The following TRMT2B variants were observed in gnomAD, a reference collection of about 807,000 sequenced individuals.
TRMT2B encodes the protein tRNA (uracil-5-)-methyltransferase homolog B.
Under a neutral mutation model 39.7 loss-of-function variants are expected in TRMT2B, and 34 were observed. That is an observed-to-expected ratio of 0.86 (90% CI 0.65 to 1.14). TRMT2B has a LOEUF of 1.14. TRMT2B is among the 50% of genes most tolerant of loss of function. TRMT2B has a pLI of 0.00. For missense variants in TRMT2B, 318 were observed against 377.2 expected (o/e 0.84, Z 1.30); for synonymous variants, 132 against 137.3 (o/e 0.96, Z 0.27).
intron 2 of TRMT2B, among the ~76,000 whole-genome samples, chrX:101,047,407 T>C (rs2088753628): frequency 9.0e-6 from 1 of 111,338 alleles, no homozygotes; most frequent in Admixed American, 9.7e-5. Flanking sequence ...GGAGTAACTA[T>C]GAGACAAAAG....
the TRMT2B span, among the ~76,000 whole-genome samples, chrX:100,986,284 C>T: frequency 1.8e-5 from 2 of 111,743 alleles, no homozygotes; most frequent in Non-Finnish European, 1.9e-5. Flanking sequence ...GCAGAGAACT[C>T]CTATCTTGTA....
At position 101,036,996 on chromosome X, in the gene TRMT2B, C is replaced by A. The variant is rs2087881589; in HGVS notation, c.516G>T (p.Gly172=). Residue 172 remains glycine (G), a synonymous_variant, in exon 6 of 14, where the codon GGG becomes GGT. Coordinates refer to ENST00000372936, the MANE Select transcript of TRMT2B (RefSeq NM_024917.6). ...GACCTCTCCAAGTTCCCAGGTAGAA[C>A]CCCACAGTCTTTGGATTGCCATCTG... The part of the protein sequence containing the change: ...RGPDGNPKTV[G]FYLGTWRDGN... The A allele has an allele frequency of 8.3e-7, 1 of 1,208,662 alleles. No homozygotes were observed. The highest frequency in any genetic ancestry group is 2.2e-5 in the Admixed American group (1 of 45,537).
chrX:101,017,811 C>T (rs2086595606), intron 13 of TRMT2B, among the ~76,000 whole-genome samples: 1 of 112,236 alleles, frequency 8.9e-6, no homozygotes, highest in African/African-American at 3.2e-5. Context: ...GAACCAAAGC[C>T]AGAATTCAGG....
chrX:100,985,967 A>G, the TRMT2B span: 2 of 1,153,407 alleles, frequency 1.7e-6, no homozygotes, highest in South Asian at 2.1e-5. Flanking sequence ...TGTACCCTTA[A>G]AAGTATAGAA....
chrX:101,044,494 G>A (rs1001429796), intron 2 of TRMT2B, among the ~76,000 whole-genome samples: 3 of 110,549 alleles, frequency 2.7e-5, no homozygotes, highest in East Asian at 2.9e-4. Context: ...AGGCCAGGGC[G>A]GGCAGATCAC....
intron 11 of TRMT2B, 127 bp downstream of exon 11, chrX:101,020,360 C>T (rs779201501): frequency 2.2e-3 from 1,197 of 534,035 alleles, no homozygotes; most frequent in Non-Finnish European, 2.9e-3. Context: ...ATTCTGACCC[C>T]TCCAGAATTC....
At chrX:100,986,944 C>A in the TRMT2B span, 1 of 950,443 alleles carries the variant, frequency 1.1e-6, no homozygotes, top group South Asian at 2.4e-5. Flanking sequence ...TGGAGCCCAG[C>A]TGATGCAGCC....
chrX:100,987,312 G>A, the TRMT2B span: 7 of 1,011,911 alleles, frequency 6.9e-6, no homozygotes, highest in South Asian at 2.2e-5. Context: ...TTCACTCTTT[G>A]AATGAGAGTG....
intron 7 of TRMT2B, among the ~76,000 whole-genome samples, chrX:101,028,440 C>T (rs772702838): frequency 7.2e-5 from 8 of 110,831 alleles, no homozygotes; most frequent in Non-Finnish European, 1.3e-4. Context: ...TCTCTTATAC[C>T]TCTCACTCAA....
chrX:100,988,361 ATCT>A, the TRMT2B span: 286 of 1,205,515 alleles, frequency 2.4e-4, no homozygotes, highest in Non-Finnish European at 2.6e-4. Flanking sequence ...CCCCCCCATC[ATCT>A]TCTTGCTGTA....
chrX:101,030,396 G>A (rs1402211765), intron 7 of TRMT2B, among the ~76,000 whole-genome samples: 2 of 109,209 alleles, frequency 1.8e-5, no homozygotes, highest in African/African-American at 6.7e-5. Context: ...TGGAGATACC[G>A]GACACATTGA....
At chrX:100,991,223 G>A in the TRMT2B span, among the ~76,000 whole-genome samples, 1 of 111,379 alleles carries the variant, frequency 9.0e-6, no homozygotes, top group Non-Finnish European at 1.9e-5. Context: ...ATGTCCTTGA[G>A]TGTCATGTCA....
chrX:101,004,515 T>G (rs182745363), downstream of TRMT2B, among the ~76,000 whole-genome samples: 5 of 110,547 alleles, frequency 4.5e-5, no homozygotes, highest in African/African-American at 1.3e-4. Context: ...TTTTGTTTTT[T>G]TTTGAGATGG....
At position 101,051,607 on chromosome X, in the gene TRMT2B, G is replaced by C. The variant is rs2089100523; in HGVS notation, c.-380C>G. 1 of 754,830 alleles carries C rather than the reference G, an allele frequency of 1.3e-6. No individual in the cohort carries two copies. The highest frequency in any genetic ancestry group is 6.7e-5 in the South Asian group (1 of 14,901). 62.2% of individuals were successfully genotyped at this position (754,830 alleles called of 1,213,427 possible). A position where few individuals can be genotyped will look rare whatever the true frequency, so the allele number is the denominator to read the frequency against. ...AGGACAGAAAGTAAGGGAGTGGGAG[G>C]AGTTAGGGCACAGGCCCACGCTGGG... On this transcript the variant is annotated 5_prime_UTR_variant, in exon 2 of 14. Coordinates refer to ENST00000372936, the MANE Select transcript of TRMT2B (RefSeq NM_024917.6).
intron 7 of TRMT2B, among the ~76,000 whole-genome samples, chrX:101,028,444 C>T (rs1236801665): frequency 1.8e-5 from 2 of 110,960 alleles, no homozygotes; most frequent in Admixed American, 9.7e-5. Context: ...TTATACCTCT[C>T]ACTCAATCCA....
chrX:101,028,112 CTT>C (rs1161374681), intron 7 of TRMT2B, among the ~76,000 whole-genome samples: 5 of 78,430 alleles, frequency 6.4e-5, no homozygotes, highest in African/African-American at 1.5e-4. Flanking sequence ...ACTTCTTGCT[CTT>C]TTTTTTTTTT....
the TRMT2B span, among the ~76,000 whole-genome samples, chrX:100,991,670 G>A: frequency 8.9e-6 from 1 of 111,941 alleles, no homozygotes; most frequent in African/African-American, 3.2e-5. Context: ...CACCGCGCCC[G>A]GCCCACAGTG....
At chrX:101,022,546 G>A (rs1399938337) in intron 8 of TRMT2B, among the ~76,000 whole-genome samples, 2 of 109,340 alleles carry the variant, frequency 1.8e-5, no homozygotes, top group African/African-American at 3.3e-5. Flanking sequence ...GCTTGAACCC[G>A]GGAGGCGGAG....
intron 2 of TRMT2B, among the ~76,000 whole-genome samples, chrX:101,048,438 GTTCT>G (rs1261946441): frequency 6.2e-4 from 62 of 99,672 alleles, no homozygotes; most frequent in African/African-American, 2.1e-3. Context: ...TTGAAGCCAT[GTTCT>G]TTGTTACCAA....
Sources: gnomAD v4.1 joint callset for allele counts (sites outside exome capture counted in the v4.1 genomes callset) on GRCh38, gnomAD v4.1.1 for gene constraint, MANE v1.5 for transcripts, NCBI Gene and HGNC (gene_info 2026-07-23, HGNC 2026-07-21) for gene names.